The following CDS2 variants were observed in gnomAD, a reference collection of about 807,000 sequenced individuals.
CDS2 encodes phosphatidate cytidylyltransferase 2.
CDS2 carries 47 observed loss-of-function variants against 59.0 expected under a neutral mutation model. The ratio of observed to expected loss-of-function variants is 0.80; its 90% CI spans 0.63 to 1.02. The LOEUF (loss-of-function observed/expected upper bound fraction) is 1.02, where lower values mean the gene tolerates loss of function less well. Ranked by LOEUF, CDS2 falls within the 50% of genes least tolerant of loss-of-function variation. The probability of loss-of-function intolerance (pLI) is 0.00; values close to 1 mark genes in which losing one functional copy is unlikely to be tolerated. For missense variants in CDS2, 356 were observed against 558.9 expected, an observed-to-expected ratio of 0.64 and a Z score of 3.66; for synonymous variants, 207 against 206.4, an observed-to-expected ratio of 1.00 and a Z score of -0.02.
At chr20:5,142,588 T>G (rs2090703850) in intron 1 of CDS2, among the ~76,000 whole-genome samples, 1 of 152,340 alleles carries the variant, frequency 6.6e-6, no homozygotes, top group South Asian at 2.1e-4. Context: ...TGTTAATTTT[T>G]TAGGTGTGAT....
intron 1 of CDS2, among the ~76,000 whole-genome samples, chr20:5,145,236 A>ACCCCCCCC (rs796723724): frequency 2.1e-3 from 107 of 51,974 alleles, no homozygotes; most frequent in South Asian, 3.4e-3. Context: ...GAAAGGAAAG[A>ACCCCCCCC]CCCCCCCCCC....
At chr20:5,141,451 G>C (rs956719007) in intron 1 of CDS2, among the ~76,000 whole-genome samples, 2 of 144,572 alleles carry the variant, frequency 1.4e-5, no homozygotes, top group Admixed American at 1.4e-4. Context: ...AACACATGCT[G>C]GGGGGGTGGT....
At position 5,175,237 on chromosome 20, in the gene CDS2, C is replaced by T; in HGVS notation, c.249C>T (p.Phe83=). The part of the protein sequence containing the change: ...GILTLAMIAF[F]FIIIYLGPMV... ...TGACTTTGGCCATGATTGCATTTTT[C>T]TTCATCATCATTTACCTGGGACCAA... Residue 83 remains phenylalanine, a synonymous_variant, in exon 3 of 13, where the codon TTC becomes TTT. Transcript: ENST00000460006. 1 of 1,614,112 alleles carries T rather than the reference C, an allele frequency of 6.2e-7. No homozygotes were observed. The highest frequency in any genetic ancestry group is 8.5e-7 in the Non-Finnish European group (1 of 1,179,954).
intron 1 of CDS2, among the ~76,000 whole-genome samples, chr20:5,154,154 A>G (rs2090814581): frequency 6.6e-6 from 1 of 152,170 alleles, no homozygotes. Flanking sequence ...GTCATCTGCA[A>G]GCTTGTCTGA....
At chr20:5,149,754 TGCCGAG>T (rs1404465679) in intron 1 of CDS2, among the ~76,000 whole-genome samples, 6 of 151,970 alleles carry the variant, frequency 3.9e-5, no homozygotes, top group Middle Eastern at 3.4e-3. Flanking sequence ...GTCGCTCTTT[TGCCGAG>T]GCTGGAGTGA....
intron 10 of CDS2, 25 bp from the exon 11 acceptor site, chr20:5,189,041 AC>A: frequency 6.2e-7 from 1 of 1,613,768 alleles, no homozygotes; most frequent in South Asian, 1.1e-5. Context: ...ATGCACCTAA[AC>A]TTTTACTTCA....
rs996176221 is a variant in CDS2 at position 5,176,880 on chromosome 20, A to C, written c.389+135A>C. On this transcript the variant is annotated intron_variant, in intron 4 of 12. Coordinates refer to ENST00000460006, the MANE Select transcript of CDS2 (RefSeq NM_003818.4). Reference sequence around the variant, plus strand: ...GGAGAGGCAGTTATCATGTTAGGTCATACAAAGTTTCATGAAGAAAATGGT... The same window carrying C: ...GGAGAGGCAGTTATCATGTTAGGTCCTACAAAGTTTCATGAAGAAAATGGT... 4.4e-6 allele frequency: 3 copies of C among 674,536 alleles called. No individual in the cohort carries two copies. The African/African-American group carries it at 5.3e-5, about 12-fold the overall frequency. 41.8% of individuals were successfully genotyped at this position (674,536 alleles called of 1,614,324 possible).
At chr20:5,137,248 C>CTTTTTTTTTTTTTTTTTTTTTT (rs11297837) in intron 1 of CDS2, among the ~76,000 whole-genome samples, 1 of 141,574 alleles carries the variant, frequency 7.1e-6, no homozygotes, top group African/African-American at 2.6e-5. Flanking sequence ...CATTTCTACC[C>CTTTTTTTTTTTTTTTTTTTTTT]TTTTTTTTTT....
intron 1 of CDS2, among the ~76,000 whole-genome samples, chr20:5,132,376 G>A (rs941649635): frequency 8.5e-5 from 13 of 152,146 alleles, no homozygotes; most frequent in Admixed American, 3.9e-4. Context: ...GGGATTACAG[G>A]CGTGAGCCAC....
intron 6 of CDS2, 64 bp downstream of exon 6, chr20:5,182,509 A>G: frequency 1.4e-6 from 2 of 1,435,100 alleles, no homozygotes; most frequent in Non-Finnish European, 1.9e-6. Flanking sequence ...CAGGAACTCA[A>G]CAAGCCTTTC....
At chr20:5,168,276 G>C (rs936690786) in intron 1 of CDS2, among the ~76,000 whole-genome samples, 4 of 150,682 alleles carry the variant, frequency 2.7e-5, no homozygotes, top group African/African-American at 5.0e-5. Context: ...TTATCTGGGC[G>C]TGTTGGCGGG....
chr20:5,177,722 G>A (rs1352953050), intron 4 of CDS2, among the ~76,000 whole-genome samples: 2 of 152,166 alleles, frequency 1.3e-5, no homozygotes, highest in African/African-American at 2.4e-5. Flanking sequence ...CAAGGAAGCC[G>A]ATGTGCTCAG....
At chr20:5,150,754 T>G (rs2122992052) in intron 1 of CDS2, among the ~76,000 whole-genome samples, 1 of 152,318 alleles carries the variant, frequency 6.6e-6, no homozygotes, top group South Asian at 2.1e-4. Flanking sequence ...CTGTCTCCTC[T>G]CTAGGCTTCT....
intron 7 of CDS2, among the ~76,000 whole-genome samples, chr20:5,183,846 G>A (rs2091048286): frequency 6.6e-6 from 1 of 152,232 alleles, no homozygotes; most frequent in Non-Finnish European, 1.5e-5. Context: ...GCCAACTGAA[G>A]CAGCTAGGTG....
intron 1 of CDS2, among the ~76,000 whole-genome samples, chr20:5,172,099 C>T (rs1161865364): frequency 1.3e-5 from 2 of 152,194 alleles, no homozygotes. Context: ...TTTTTCTTTA[C>T]ACACCTGGAC....
At chr20:5,136,871 T>A (rs1297938896) in intron 1 of CDS2, among the ~76,000 whole-genome samples, 1 of 152,160 alleles carries the variant, frequency 6.6e-6, no homozygotes, top group Non-Finnish European at 1.5e-5. Flanking sequence ...AGGTTTGGTG[T>A]ACAAATGATT....
At chr20:5,130,329 C>A (rs374263624) in intron 1 of CDS2, among the ~76,000 whole-genome samples, 1 of 152,174 alleles carries the variant, frequency 6.6e-6, no homozygotes, top group Middle Eastern at 3.2e-3. Flanking sequence ...TTGGGAAACA[C>A]CTACTTCCAT....
chr20:5,147,399 G>GA (rs1340186140), intron 1 of CDS2, among the ~76,000 whole-genome samples: 1 of 152,192 alleles, frequency 6.6e-6, no homozygotes, highest in Non-Finnish European at 1.5e-5. Context: ...GGATAGGAAA[G>GA]AGGGGGGTCA....
In CDS2 at chr20:5,150,581, CAG is replaced by C. The variant is rs764997807; in HGVS notation, c.58-22941_58-22940del. ...CAGTCTCGGAGAGAAGGGGAGGTGA[CAG>C]GGGCCACTGGGTTCCATGGGGCCTG... On this transcript the variant is annotated intron_variant, in intron 1 of 12. Coordinates refer to ENST00000460006, the MANE Select transcript of CDS2 (RefSeq NM_003818.4). Among the ~76,000 whole-genome samples the C allele has an allele frequency of 3.9e-5, 6 of 152,304 alleles. No homozygotes were observed. The South Asian group carries it at 6.2e-4, about 16-fold the overall frequency.
Sources: gnomAD v4.1 joint callset for allele counts (sites outside exome capture counted in the v4.1 genomes callset) on GRCh38, gnomAD v4.1.1 for gene constraint, MANE v1.5 for transcripts, NCBI Gene and HGNC (gene_info 2026-07-23, HGNC 2026-07-21) for gene names.